The following EIF3H variants were observed in gnomAD, a reference collection of about 807,000 sequenced individuals.
EIF3H encodes eIF-3-gamma.
Under a neutral mutation model 44.2 loss-of-function variants are expected in EIF3H, and 26 were observed. The observed-to-expected ratio is 0.59, with a 90% confidence interval of 0.43 to 0.82. EIF3H has a LOEUF of 0.82. EIF3H is among the 40% of genes least tolerant of loss of function. EIF3H has a pLI of 0.00. For synonymous variants in EIF3H, 166 were observed against 151.9 expected (o/e 1.09, Z -0.68); for missense variants, 359 against 432.8 (o/e 0.83, Z 1.51).
Position 116,642,981 on chromosome 8 carries a change from T to A in EIF3H, c.*2025A>T, listed in dbSNP as rs1423158178. 1 of 152,266 alleles carries A rather than the reference T, an allele frequency of 6.6e-6. No homozygotes were observed. The highest frequency in any genetic ancestry group is 2.4e-5 in the African/African-American group (1 of 41,468). The allele number at this position is 152,266 out of a possible 1,614,324, so 9.4% of individuals were successfully genotyped here. A position where few individuals can be genotyped will look rare whatever the true frequency, so the allele number is the denominator to read the frequency against. On this transcript the variant is annotated 3_prime_UTR_variant, in exon 8 of 8. Coordinates refer to ENST00000521861, the MANE Select transcript of EIF3H (RefSeq NM_003756.3). ...ATCACACCTTTAAAAACATATTGAA[T>A]TGACTCAGTTAAATTACTCTTAATC...
At chr8:116,734,647 C>A (rs777255860) in intron 1 of EIF3H, among the ~76,000 whole-genome samples, 2 of 152,124 alleles carry the variant, frequency 1.3e-5, no homozygotes, top group Non-Finnish European at 1.5e-5. Context: ...CCTCTGCCTC[C>A]CAGGTTCAAG....
intron 2 of EIF3H, among the ~76,000 whole-genome samples, chr8:116,681,884 T>C (rs1239494241): frequency 6.6e-6 from 1 of 152,008 alleles, no homozygotes; most frequent in Non-Finnish European, 1.5e-5. Flanking sequence ...CATAACAAAA[T>C]TCACATGCTC....
intron 2 of EIF3H, among the ~76,000 whole-genome samples, chr8:116,718,659 T>C (rs1277601025): frequency 7.0e-6 from 1 of 142,510 alleles, no homozygotes; most frequent in African/African-American, 2.6e-5. Flanking sequence ...CATTCATAAG[T>C]GGGAGTGAAG....
At chr8:116,663,639 C>A (rs1158965824) in intron 2 of EIF3H, among the ~76,000 whole-genome samples, 1 of 152,106 alleles carries the variant, frequency 6.6e-6, no homozygotes, top group East Asian at 1.9e-4. Flanking sequence ...ATTTCAAAGA[C>A]AAACTGGTCA....
intron 2 of EIF3H, among the ~76,000 whole-genome samples, chr8:116,668,581 ATAGGGTACCAGACTAC>A (rs768804991): frequency 3.9e-5 from 6 of 152,142 alleles, no homozygotes; most frequent in Non-Finnish European, 7.3e-5. Flanking sequence ...GAGCAGCAGG[ATAGGGTACCAGACTAC>A]TCTGAATCTG....
chr8:116,747,221 C>T (rs764993632), intron 1 of EIF3H, among the ~76,000 whole-genome samples: 1 of 152,136 alleles, frequency 6.6e-6, no homozygotes, highest in African/African-American at 2.4e-5. Context: ...CGCCATCATG[C>T]CCGGCTAATT....
chr8:116,687,996 T>G (rs112779163), intron 2 of EIF3H, among the ~76,000 whole-genome samples: 5,507 of 152,228 alleles, frequency 0.036, 144 homozygotes, highest in Middle Eastern at 0.099. Flanking sequence ...AAAGTGTTAC[T>G]ACCAATGCAA....
At position 116,763,352 on chromosome 8, in the gene EIF3H, T is replaced by C. The variant is rs76291184; in HGVS notation, c.-27+2163A>G. Among the ~76,000 whole-genome samples the C allele has an allele frequency of 9.8e-5, 15 of 152,356 alleles. No homozygotes were observed. In the East Asian group the frequency reaches 2.7e-3, roughly 27 times the overall value. ...TTGCCAAGAGATACATAATACATCA[T>C]CAAAGTGTTATCTGGGCAAGGGGAG... On this transcript the variant is annotated intron_variant, in intron 1 of 9. Coordinates refer to the EIF3H transcript ENST00000276682.
chr8:116,700,719 G>T (rs912306966), intron 2 of EIF3H, among the ~76,000 whole-genome samples: 1 of 152,134 alleles, frequency 6.6e-6, no homozygotes, highest in African/African-American at 2.4e-5. Flanking sequence ...AGTAAAACTG[G>T]CAACTACTAT....
At chr8:116,742,647 G>A (rs1815151846) in intron 1 of EIF3H, among the ~76,000 whole-genome samples, 1 of 152,130 alleles carries the variant, frequency 6.6e-6, no homozygotes, top group Admixed American at 6.5e-5. Flanking sequence ...AGGAGCACTG[G>A]CCACTGCTTA....
chr8:116,672,423 C>T (rs911843995), intron 2 of EIF3H, among the ~76,000 whole-genome samples: 2 of 152,102 alleles, frequency 1.3e-5, no homozygotes, highest in Admixed American at 6.6e-5. Context: ...GCCATGAGTT[C>T]GAGACCAGCG....
intron 2 of EIF3H, among the ~76,000 whole-genome samples, chr8:116,659,387 T>C (rs1423654180): frequency 1.3e-5 from 2 of 152,192 alleles, no homozygotes; most frequent in Non-Finnish European, 2.9e-5. Flanking sequence ...GAGTTATCAA[T>C]CTCTTCTTCA....
intron 2 of EIF3H, among the ~76,000 whole-genome samples, chr8:116,679,042 C>T (rs1443193460): frequency 4.0e-5 from 2 of 49,948 alleles, no homozygotes; most frequent in African/African-American, 1.1e-4. Context: ...AGGTGAGGGG[C>T]GCCTCTGCCC....
At chr8:116,749,736 T>C (rs1815296110) in intron 1 of EIF3H, among the ~76,000 whole-genome samples, 1 of 152,216 alleles carries the variant, frequency 6.6e-6, no homozygotes, top group African/African-American at 2.4e-5. Context: ...CTGAGTTATT[T>C]TTGAACAGCT....
intron 1 of EIF3H, among the ~76,000 whole-genome samples, chr8:116,731,692 A>G (rs1326555461): frequency 6.6e-6 from 1 of 152,232 alleles, no homozygotes; most frequent in African/African-American, 2.4e-5. Context: ...CCAGCAACCC[A>G]TCTTGAAACA....
chr8:116,714,607 T>C (rs1247655731), intron 2 of EIF3H, among the ~76,000 whole-genome samples: 5 of 152,054 alleles, frequency 3.3e-5, no homozygotes, highest in African/African-American at 1.2e-4. Flanking sequence ...ATGAGGTCAC[T>C]AGGTAAACAT....
At chr8:116,697,604 TTA>T (rs1440864927) in intron 2 of EIF3H, among the ~76,000 whole-genome samples, 2 of 152,206 alleles carry the variant, frequency 1.3e-5, no homozygotes, top group Non-Finnish European at 2.9e-5. Context: ...TGTTACAAAT[TTA>T]TGTTTACCCC....
intron 2 of EIF3H, among the ~76,000 whole-genome samples, chr8:116,706,367 G>C (rs146210618): frequency 1.3e-5 from 2 of 152,016 alleles, no homozygotes; most frequent in South Asian, 2.1e-4. Flanking sequence ...GGTTTTCCTC[G>C]TCTGTCTCTC....
chr8:116,708,939 C>T (rs1332088744), intron 2 of EIF3H, among the ~76,000 whole-genome samples: 1 of 151,652 alleles, frequency 6.6e-6, no homozygotes, highest in Non-Finnish European at 1.5e-5. Flanking sequence ...CTAAGGTTTG[C>T]CTAGCTGTTG....
Sources: gnomAD v4.1 joint callset for allele counts (sites outside exome capture counted in the v4.1 genomes callset) on GRCh38, gnomAD v4.1.1 for gene constraint, MANE v1.5 for transcripts, NCBI Gene and HGNC (gene_info 2026-07-23, HGNC 2026-07-21) for gene names.